The following FABP2 variants were observed in gnomAD, a reference collection of about 807,000 sequenced individuals.
The protein encoded by FABP2 is fatty acid-binding protein, intestinal.
Under a neutral mutation model 16.1 loss-of-function variants are expected in FABP2, and 11 were observed. That is an observed-to-expected ratio of 0.68 (90% CI 0.43 to 1.13). The LOEUF is 1.13. Among genes scored for constraint, FABP2 ranks in the 50% most tolerant of loss-of-function variants. The pLI, the probability that FABP2 is intolerant of heterozygous loss-of-function variation, is 0.00. For synonymous variants in FABP2, 45 were observed against 50.9 expected (o/e 0.88, Z 0.49); for missense variants, 146 against 155.1 (o/e 0.94, Z 0.31).
At position 119,319,502 on chromosome 4, in the gene FABP2, C is replaced by G. The variant is rs770811888; in HGVS notation, c.348+34G>C. 6 of 1,347,912 alleles carry G rather than the reference C, an allele frequency of 4.5e-6. No individual in the cohort carries two copies. In the South Asian group the frequency reaches 7.3e-5, roughly 16 times the overall value. 83.5% of individuals were successfully genotyped at this position (1,347,912 alleles called of 1,614,324 possible). A position where few individuals can be genotyped will look rare whatever the true frequency, so the allele number is the denominator to read the frequency against. On this transcript the variant is annotated intron_variant, in intron 3 of 3. Transcript: ENST00000274024. The stretch of plus-strand genomic sequence containing the variant: ...AATTATTGTTTTGTAGTAATTTTTG[C>G]CTTTTGAAAATAGCTATAAATTTGA...
At position 119,322,123 on chromosome 4, in the gene FABP2, C is replaced by T. The variant is rs1271857809; in HGVS notation, c.-21G>A. 1.2e-6 allele frequency: 2 copies of T among 1,601,304 alleles called. No homozygotes were observed. Among genetic ancestry groups the T allele is most frequent in the Non-Finnish European group, 1.7e-6 (2 of 1,170,422 alleles). ...GCCATGATTTCAGTTGAGTCAGCCT[C>T]TAGGCAGCTAGAGATTCAGGTCTGT... On this transcript the variant is annotated 5_prime_UTR_variant, in exon 1 of 4. Transcript: ENST00000274024.
At chr4:119,321,791 G>C (rs762984253) in intron 1 of FABP2, among the ~76,000 whole-genome samples, 1 of 152,032 alleles carries the variant, frequency 6.6e-6, no homozygotes, top group African/African-American at 2.4e-5. Flanking sequence ...AACATTTCTG[G>C]ATCTTTTTGG....
At chr4:119,319,507 T>C (rs778743794) in intron 3 of FABP2, 29 bp downstream of exon 3, 5 of 1,448,954 alleles carry the variant, frequency 3.5e-6, no homozygotes, top group African/African-American at 1.4e-5. Context: ...TTTTGCCTTT[T>C]GAAAATAGCT....
intron 1 of FABP2, 141 bp downstream of exon 1, chr4:119,321,895 C>T: frequency 1.6e-6 from 1 of 617,716 alleles, no homozygotes; most frequent in Non-Finnish European, 2.8e-6. Context: ...TGGTTTCCCT[C>T]CTCTGAACAT....
chr4:119,319,094 G>A lies in FABP2; in HGVS notation c.349-3C>T, dbSNP rs2149497987. ...TCTACTCCTTCATATACATAAGTCT[G>A]AAAGGTGTTAACAAACAGAAGAATT... On this transcript the variant is annotated splice_region_variant and splice_polypyrimidine_tract_variant and intron_variant, in intron 3 of 3. Coordinates refer to ENST00000274024, the MANE Select transcript of FABP2 (RefSeq NM_000134.4). 2.5e-6 allele frequency: 4 copies of A among 1,581,892 alleles called. No individual in the cohort carries two copies. The East Asian group carries it at 6.9e-5, about 27-fold the overall frequency.
chr4:119,317,395 C>T lies in FABP2; in HGVS notation c.*1646G>A, dbSNP rs576770304. The T allele has an allele frequency of 3.3e-5, 5 of 152,136 alleles. No homozygotes were observed. The highest frequency in any genetic ancestry group is 9.6e-5 in the African/African-American group (4 of 41,548). The allele number at this position is 152,136 out of a possible 1,614,324, so 9.4% of individuals were successfully genotyped here. On this transcript the variant is annotated 3_prime_UTR_variant, in exon 4 of 4. Coordinates refer to ENST00000274024, the MANE Select transcript of FABP2 (RefSeq NM_000134.4). ...CCCATTAAGTAAATTATCATCGCCC[C>T]CTGCCAACCCTCCAACTCTTCCAAG...
rs1488949053 is a variant in FABP2, at chr4:119,318,909, GA to G, written c.*131del. ...TACTTCTTTTGCTTTGGCATGAATG[GA>G]AATATACCAATGTTTATAAAAGGAC... On this transcript the variant is annotated 3_prime_UTR_variant, in exon 4 of 4. Coordinates refer to ENST00000274024, the MANE Select transcript of FABP2 (RefSeq NM_000134.4). 4.7e-6 allele frequency: 3 copies of G among 644,994 alleles called. No individual in the cohort carries two copies. Among genetic ancestry groups the G allele is most frequent in the Non-Finnish European group, 8.0e-6 (3 of 376,114 alleles). The allele number at this position is 644,994 out of a possible 1,614,324, so 40.0% of individuals were successfully genotyped here.
At position 119,320,725 on chromosome 4, in the gene FABP2, ACAACTT is replaced by A. The variant is rs1294204724; in HGVS notation, c.179_184del (p.Glu60_Val61del). Reference sequence around the variant, plus strand: ...ATTAAAGGTGACACCAAGTTCAAAAACAACTTCAATGTTTCGAAAAGTGCTTGATTC... The same window carrying A: ...ATTAAAGGTGACACCAAGTTCAAAAACAATGTTTCGAAAAGTGCTTGATTC... On this transcript the variant is annotated inframe_deletion, in exon 2 of 4. Transcript: ENST00000274024. The A allele has an allele frequency of 6.2e-7, 1 of 1,604,156 alleles. No individual in the cohort carries two copies. The highest frequency in any genetic ancestry group is 1.7e-5 in the Admixed American group (1 of 57,776).
rs566344926 is a variant in FABP2 at position 119,319,212 on chromosome 4, ATATT to A, written c.349-125_349-122del. On this transcript the variant is annotated intron_variant, in intron 3 of 3. Coordinates refer to ENST00000274024, the MANE Select transcript of FABP2 (RefSeq NM_000134.4). ...CTATTTTTATATTATATATTCATAT[ATATT>A]ATATGAGTATGAGTTTATACAATTT... The A allele has an allele frequency of 4.5e-4, 183 of 402,560 alleles. No homozygotes were observed. The Middle Eastern group carries it at 8.5e-3, about 19-fold the overall frequency. The allele number at this position is 402,560 out of a possible 1,614,324, so 24.9% of individuals were successfully genotyped here.
At position 119,319,044 on chromosome 4, in the gene FABP2, A is replaced by G. The variant is rs1755622826; in HGVS notation, c.396T>C (p.Asp132=). Residue 132 remains aspartate, a synonymous_variant, in exon 4 of 4, where the codon GAT becomes GAC. Coordinates refer to ENST00000274024, the MANE Select transcript of FABP2 (RefSeq NM_000134.4). ...GVEAKRIFKK[D] ...GACTGTGCGCCAAGAATAATGCTCAATCCTTTTTAAAGATCCTTTTGGCTT... is the reference window on the plus strand; with the variant it reads ...GACTGTGCGCCAAGAATAATGCTCAGTCCTTTTTAAAGATCCTTTTGGCTT... 2.5e-6 allele frequency: 4 copies of G among 1,601,596 alleles called. No homozygotes were observed. The highest frequency in any genetic ancestry group is 1.4e-5 in the African/African-American group (1 of 74,028).
In FABP2 at chr4:119,320,857, A is replaced by C; in HGVS notation, c.68-15T>G. On this transcript the variant is annotated splice_polypyrimidine_tract_variant and intron_variant, in intron 1 of 3. Coordinates refer to ENST00000274024, the MANE Select transcript of FABP2 (RefSeq NM_000134.4). ...TATATTAACACCTGTAAAAGGTAAG[A>C]CAATGGAGAAAATAAAGTCAAATCC... 6.6e-7 allele frequency: 1 copy of C among 1,524,554 alleles called. No individual in the cohort carries two copies. The highest frequency in any genetic ancestry group is 8.7e-7 in the Non-Finnish European group (1 of 1,145,878). The allele number at this position is 1,524,554 out of a possible 1,614,324, so 94.4% of individuals were successfully genotyped here.
At chr4:119,320,160 T>G (rs1232111246) in intron 2 of FABP2, among the ~76,000 whole-genome samples, 1 of 152,040 alleles carries the variant, frequency 6.6e-6, no homozygotes. Context: ...CTAAAAAAAG[T>G]TTTTAAAAAA....
Position 119,319,042 on chromosome 4 carries a change from C to T in FABP2, c.398G>A (p.Ter133=). Residue 133 remains the stop codon, a stop_retained_variant, in exon 4 of 4, where the codon TGA becomes TAA. Transcript: ENST00000274024. The part of the protein sequence containing the change: ...VEAKRIFKKD[*] ...TGGACTGTGCGCCAAGAATAATGCT[C>T]AATCCTTTTTAAAGATCCTTTTGGC... The T allele has an allele frequency of 1.2e-6, 2 of 1,601,648 alleles. No individual in the cohort carries two copies. Among genetic ancestry groups the T allele is most frequent in the East Asian group, 2.3e-5 (1 of 43,886 alleles).
intron 2 of FABP2, 99 bp downstream of exon 2, chr4:119,320,571 C>T (rs1375751802): frequency 3.2e-6 from 3 of 934,482 alleles, no homozygotes; most frequent in Non-Finnish European, 4.7e-6. Flanking sequence ...TGAAGGAGAC[C>T]TGCATTAATT....
rs1755602546 is a variant in FABP2 at position 119,317,720 on chromosome 4, T to C, written c.*1321A>G. 6.6e-6 allele frequency: 1 copy of C among 152,036 alleles called. No individual in the cohort carries two copies. Among genetic ancestry groups the C allele is most frequent in the South Asian group, 2.1e-4 (1 of 4,824 alleles). 9.4% of individuals were successfully genotyped at this position (152,036 alleles called of 1,614,324 possible). On this transcript the variant is annotated 3_prime_UTR_variant, in exon 4 of 4. Coordinates refer to ENST00000274024, the MANE Select transcript of FABP2 (RefSeq NM_000134.4). ...AGTTGCAGCTGCAAATGCTTAAAAA[T>C]TGTACCCCCTCTCCATCCCCTAATA...
chr4:119,318,781 A>G lies in FABP2; in HGVS notation c.*260T>C, dbSNP rs1755619600. 2 of 350,384 alleles carry G rather than the reference A, an allele frequency of 5.7e-6. No individual in the cohort carries two copies. The highest frequency in any genetic ancestry group is 1.0e-4 in the Admixed American group (2 of 19,984). 21.7% of individuals were successfully genotyped at this position (350,384 alleles called of 1,614,324 possible). On this transcript the variant is annotated 3_prime_UTR_variant, in exon 4 of 4. Transcript: ENST00000274024. ...TAAAAGGCAAGGCTACATATAAAGC[A>G]ACATGGACGCAATATTTATTTTTGT...
At chr4:119,319,762 C>A in intron 2 of FABP2, 119 bp from the exon 3 acceptor site, 3 of 376,442 alleles carry the variant, frequency 8.0e-6, no homozygotes, top group Non-Finnish European at 8.8e-6. Flanking sequence ...CATGGTGACC[C>A]TATGAAACTG....
At position 119,320,917 on chromosome 4, in the gene FABP2, G is replaced by A. The variant is rs186348250; in HGVS notation, c.68-75C>T. ...TGTTTATTTTTCCAAGTTATGTTTT[G>A]TTTGTTTATTTTGAGGGTGGGAAGA... is the stretch of plus-strand genomic sequence containing the variant. On this transcript the variant is annotated intron_variant, in intron 1 of 3. Coordinates refer to ENST00000274024, the MANE Select transcript of FABP2 (RefSeq NM_000134.4). 7.3e-5 allele frequency: 95 copies of A among 1,301,906 alleles called. No homozygotes were observed. The East Asian group carries it at 2.6e-3, about 35-fold the overall frequency. 80.6% of individuals were successfully genotyped at this position (1,301,906 alleles called of 1,614,324 possible). A position where few individuals can be genotyped will look rare whatever the true frequency, so the allele number is the denominator to read the frequency against.
At position 119,319,067 on chromosome 4, in the gene FABP2, CTT is replaced by C; in HGVS notation, c.371_372del (p.Glu124GlyfsTer6). 6.2e-7 allele frequency: 1 copy of C among 1,602,076 alleles called. No homozygotes were observed. On this transcript the variant is annotated frameshift_variant, in exon 4 of 4. Transcript: ENST00000274024. LOFTEE classifies it high-confidence loss of function. ...LVQTYVYEGV[E>X]AKRIFKKD Reference sequence around the variant, plus strand: ...CAATCCTTTTTAAAGATCCTTTTGGCTTCTACTCCTTCATATACATAAGTCTG... The same window carrying C: ...CAATCCTTTTTAAAGATCCTTTTGGCCTACTCCTTCATATACATAAGTCTG...
Sources: allele counts gnomAD v4.1 joint callset (sites outside exome capture counted in the v4.1 genomes callset), GRCh38; gene constraint gnomAD v4.1.1; transcripts MANE v1.5; gene names NCBI Gene and HGNC (gene_info 2026-07-23, HGNC 2026-07-21).